Variants in KRI1 observed in about 807,000 individuals in gnomAD.
KRI1 encodes the protein protein KRI1 homolog.
A neutral mutation model predicts 97.0 loss-of-function variants in KRI1; 83 were observed. The ratio of observed to expected loss-of-function variants is 0.86; its 90% confidence interval spans 0.72 to 1.03. The LOEUF (loss-of-function observed/expected upper bound fraction) is 1.03. Among genes scored for constraint, KRI1 ranks in the 50% least tolerant of loss-of-function variants. The probability of loss-of-function intolerance (pLI) is 0.00; values close to 1 mark genes in which losing one functional copy is unlikely to be tolerated. For synonymous variants in KRI1, 371 were observed against 363.5 expected (o/e 1.02, Z -0.23); for missense variants, 916 against 928.4 (o/e 0.99, Z 0.17).
chr19:10,561,164 C>T lies in KRI1; in HGVS notation c.585+5G>A. Reference sequence around the variant, plus strand: ...CCAGCAGTCCAGTCAGGCCCCAGTACCCACCTTCTCCTGCCTGGTTTTGGC... The same window carrying T: ...CCAGCAGTCCAGTCAGGCCCCAGTATCCACCTTCTCCTGCCTGGTTTTGGC... On this transcript the variant is annotated splice_donor_5th_base_variant and intron_variant, in intron 7 of 18. Coordinates refer to ENST00000312962, the MANE Select transcript of KRI1 (RefSeq NM_023008.5). The T allele has an allele frequency of 6.2e-7, 1 of 1,613,804 alleles. No individual in the cohort carries two copies. The highest frequency in any genetic ancestry group is 8.5e-7 in the Non-Finnish European group (1 of 1,179,742).
chr19:10,558,308 G>A lies in KRI1; in HGVS notation c.1195-69C>T, dbSNP rs963052082. On this transcript the variant is annotated intron_variant, in intron 12 of 18. Coordinates refer to ENST00000312962, the MANE Select transcript of KRI1 (RefSeq NM_023008.5). The stretch of plus-strand genomic sequence containing the variant: ...TAGGAGCTGAGCCCCCTACGATGCC[G>A]CCAATGACCCCCTCCTTGGCAACTT... 2.1e-5 allele frequency: 31 copies of A among 1,448,518 alleles called. No homozygotes were observed. In the African/African-American group the frequency reaches 2.4e-4, roughly 11 times the overall value. The allele number at this position is 1,448,518 out of a possible 1,614,324, so 89.7% of individuals were successfully genotyped here. A position where few individuals can be genotyped will look rare whatever the true frequency, so the allele number is the denominator to read the frequency against.
chr19:10,555,782 C>T (rs959200827), intron 16 of KRI1, among the ~76,000 whole-genome samples: 6 of 152,140 alleles, frequency 3.9e-5, no homozygotes, highest in African/African-American at 9.7e-5. Flanking sequence ...GATTGAATGC[C>T]GATGGTATAA....
At chr19:10,560,882 T>C in intron 8 of KRI1, 121 bp downstream of exon 8, 1 of 745,182 alleles carries the variant, frequency 1.3e-6, no homozygotes, top group Non-Finnish European at 2.3e-6. Context: ...TTTAAAGAGA[T>C]GTAGGAGCTG....
Position 10,565,045 on chromosome 19 carries a change from A to G in KRI1, c.169-11T>C, listed in dbSNP as rs765518875. 16 of 1,567,688 alleles carry G rather than the reference A, an allele frequency of 1.0e-5. No individual in the cohort carries two copies. On this transcript the variant is annotated splice_polypyrimidine_tract_variant and intron_variant, in intron 2 of 18. Transcript: ENST00000312962. ...CTGGGGATCAAATTCCTAGGGCAGG[A>G]AAAGGGTTGGGGATAGATTTCAGAA... is the stretch of plus-strand genomic sequence containing the variant.
intron 3 of KRI1, 138 bp from the exon 4 acceptor site, chr19:10,562,975 T>C (rs1648757438): frequency 1.6e-6 from 1 of 618,954 alleles, no homozygotes; most frequent in African/African-American, 1.8e-5. Context: ...CCAAGAGTAT[T>C]GTGCTTGTCA....
chr19:10,564,829 G>A, intron 3 of KRI1, 100 bp downstream of exon 3: 3 of 793,888 alleles, frequency 3.8e-6, no homozygotes, highest in East Asian at 4.8e-5. Flanking sequence ...AGGAAAAGAG[G>A]CTCAGAGAAG....
chr19:10,559,968 C>T, intron 9 of KRI1, 32 bp from the exon 10 acceptor site: 1 of 1,603,190 alleles, frequency 6.2e-7, no homozygotes, highest in Non-Finnish European at 8.5e-7. Flanking sequence ...TGCCAGGGGG[C>T]CAGCCAAGTG....
At chr19:10,565,208 G>T in intron 2 of KRI1, 174 bp from the exon 3 acceptor site, 1 of 635,468 alleles carries the variant, frequency 1.6e-6, no homozygotes, top group Non-Finnish European at 2.8e-6. Context: ...GTGGGCAGGG[G>T]CAGGCCACAG....
In KRI1 at chr19:10,554,124, G is replaced by C. The variant is rs764595373; in HGVS notation, c.1939C>G (p.Gln647Glu). 4.3e-5 allele frequency: 70 copies of C among 1,614,164 alleles called. No individual in the cohort carries two copies. The highest frequency in any genetic ancestry group is 5.8e-5 in the Non-Finnish European group (68 of 1,180,036). The change falls in exon 19 of 19, where the codon CAG becomes GAG. Residue 647 changes from glutamine to glutamate, a missense_variant. Gln to Glu is a conservative substitution (Grantham distance 29). Coordinates refer to ENST00000312962, the MANE Select transcript of KRI1 (RefSeq NM_023008.5). ...PVSPHKKPAP[Q>E]KRRRAKKARL... ...GCCTTCTTGGCCCTCCTCCGCTTCT[G>C]GGGGGCTGGCTTCTTGTGGGGTGAT...
At chr19:10,561,640 G>A (rs973248754) in intron 6 of KRI1, 27 bp downstream of exon 6, 1 of 1,612,214 alleles carries the variant, frequency 6.2e-7, no homozygotes, top group African/African-American at 1.3e-5. Context: ...TTCCTCCATT[G>A]GGCCATTCCC....
rs1397113502 is a variant in KRI1, at chr19:10,560,974, T to C, written c.663+29A>G. On this transcript the variant is annotated intron_variant, in intron 8 of 18. Coordinates refer to ENST00000312962, the MANE Select transcript of KRI1 (RefSeq NM_023008.5). The stretch of plus-strand genomic sequence containing the variant: ...GATGGACGCGGAACACGCGGTCTAC[T>C]CCATCAGCGACCATGCGTGAGAACT... The C allele has an allele frequency of 8.4e-6, 13 of 1,542,852 alleles. No homozygotes were observed. In the Admixed American group the frequency reaches 2.0e-4, roughly 24 times the overall value.
intron 2 of KRI1, chr19:10,565,328 C>T: frequency 1.9e-6 from 1 of 527,928 alleles, no homozygotes. Context: ...AGAGAGACAG[C>T]GGGGAGGGGC....
Position 10,562,826 on chromosome 19 carries a change from C to G in KRI1, c.286G>C (p.Asp96His), listed in dbSNP as rs1916740886. ...TFYNRTASSS[D>H]SEEDPEALEK... ...AAGGCTTCTGGGTCCTCCTCACTGT[C>G]TGATGACGATGCTGTTAACCCACCA... Residue 96 changes from aspartate to histidine, a missense_variant, in exon 4 of 19, where the codon GAC becomes CAC. By Grantham distance (81) the Asp-to-His change is moderately conservative. Coordinates refer to ENST00000312962, the MANE Select transcript of KRI1 (RefSeq NM_023008.5). 5 of 1,609,222 alleles carry G rather than the reference C, an allele frequency of 3.1e-6. No homozygotes were observed. Among genetic ancestry groups the G allele is most frequent in the Non-Finnish European group, 4.3e-6 (5 of 1,175,562 alleles).
In KRI1 at chr19:10,564,996, C is replaced by G; in HGVS notation, c.207G>C (p.Thr69=). 6.2e-7 allele frequency: 1 copy of G among 1,613,804 alleles called. No individual in the cohort carries two copies. The highest frequency in any genetic ancestry group is 1.7e-5 in the Admixed American group (1 of 59,970). Residue 69 remains threonine, a synonymous_variant, in exon 3 of 19, where the codon ACG becomes ACC. Coordinates refer to ENST00000312962, the MANE Select transcript of KRI1 (RefSeq NM_023008.5). Reference sequence around the variant, plus strand: ...GGTCCTTCTTCTTCAACAAGGAGAGCGTTTTGTAAAAGTCCCGCTCCTGCT... The same window carrying G: ...GGTCCTTCTTCTTCAACAAGGAGAGGGTTTTGTAAAAGTCCCGCTCCTGCT... ...DPQQERDFYK[T]LSLLKKKDPR...
intron 8 of KRI1, 56 bp from the exon 9 acceptor site, chr19:10,560,504 GCATGCTCACCA>G (rs1343171208): frequency 7.5e-7 from 1 of 1,339,930 alleles, no homozygotes; most frequent in African/African-American, 1.5e-5. Flanking sequence ...AGGAGGGCAG[GCATGCTCACCA>G]CATGGACCTC....
Position 10,562,776 on chromosome 19 carries a change from G to A in KRI1, c.336C>T (p.Pro112=), listed in dbSNP as rs546092425. 4 of 1,613,126 alleles carry A rather than the reference G, an allele frequency of 2.5e-6. No homozygotes were observed. The Admixed American group carries it at 6.7e-5, about 27-fold the overall frequency. The change falls in exon 4 of 19, where the codon CCC becomes CCT. Residue 112 remains proline (P), a synonymous_variant. Coordinates refer to ENST00000312962, the MANE Select transcript of KRI1 (RefSeq NM_023008.5). ...TCCTCTCGTAGTCCTTCAGGTACAT[G>A]GGCCGCACTTTCTTCTGCTTCTCCA... ...EALEKQKKVR[P]MYLKDYERKV...
Position 10,554,215 on chromosome 19 carries a change from C to T in KRI1, c.1848G>A (p.Leu616=). 1 of 1,614,062 alleles carries T rather than the reference C, an allele frequency of 6.2e-7. No individual in the cohort carries two copies. The highest frequency in any genetic ancestry group is 8.5e-7 in the Non-Finnish European group (1 of 1,180,046). ...CCATCAAGCTGCCATCAAGGGCTGG[C>T]AGCTGCCTCTGTGGGCCGGCTTCAT... ...QRDEAGPQRQ[L]PALDGSLMGP... is the part of the protein sequence containing the mutation. The change falls in exon 19 of 19, where the codon CTG becomes CTA. Residue 616 remains leucine, a synonymous_variant. Coordinates refer to ENST00000312962, the MANE Select transcript of KRI1 (RefSeq NM_023008.5).
Position 10,558,007 on chromosome 19 carries a change from G to C in KRI1, c.1324C>G (p.Gln442Glu), listed in dbSNP as rs1599531880. 6.2e-7 allele frequency: 1 copy of C among 1,613,966 alleles called. No homozygotes were observed. The highest frequency in any genetic ancestry group is 1.3e-5 in the African/African-American group (1 of 74,912). ...DGPEQEGDWSQQELHCEDPNF... is the reference protein window; with the variant it reads ...DGPEQEGDWSEQELHCEDPNF... ...GGGTCCTCACAGTGCAGCTCCTGCT[G>C]GCTCCAGTCTCCCTCCTGCTCAGGC... is the stretch of plus-strand genomic sequence containing the variant. Residue 442 changes from glutamine to glutamate, a missense_variant, in exon 14 of 19, where the codon CAG (glutamine) becomes GAG (glutamate). Transcript: ENST00000312962.
In KRI1 at chr19:10,555,342, G is replaced by T. The variant is rs769248862; in HGVS notation, c.1625C>A (p.Ala542Asp). Residue 542 changes from alanine to aspartate, a missense_variant, in exon 17 of 19, where the codon GCT (alanine) becomes GAT (aspartate). Physicochemically the swap from Ala to Asp is moderately radical, Grantham distance 126. Around this residue, in one of 3 missense-constraint regions of KRI1, gnomAD observed 672 missense variants for 667.2 expected, o/e 1.01. Coordinates refer to ENST00000312962, the MANE Select transcript of KRI1 (RefSeq NM_023008.5). Reference protein sequence around the residue: ...DFGLSTEEILAADDKELNRWC... With the variant: ...DFGLSTEEILDADDKELNRWC... ...CCGGTTCAGCTCCTTATCGTCAGCAGCGAGGATCTGCGTGGGAAGGGAGAG... is the reference window on the plus strand; with the variant it reads ...CCGGTTCAGCTCCTTATCGTCAGCATCGAGGATCTGCGTGGGAAGGGAGAG... The T allele has an allele frequency of 2.5e-6, 4 of 1,610,184 alleles. No individual in the cohort carries two copies. The African/African-American group carries it at 5.4e-5, about 22-fold the overall frequency.
Sources: gnomAD v4.1 joint callset for allele counts (sites outside exome capture counted in the v4.1 genomes callset) on GRCh38, gnomAD v4.1.1 for gene constraint, gnomAD v4.1.1 regional missense constraint, MANE v1.5 for transcripts, NCBI Gene and HGNC (gene_info 2026-07-23, HGNC 2026-07-21) for gene names.